The following TBL1XR1 variants were observed in gnomAD, a reference collection of about 807,000 sequenced individuals.
TBL1XR1 encodes the protein TBL1X/Y related 1.
In TBL1XR1, 5 loss-of-function variants were observed where a neutral mutation model predicts 66.9. The observed-to-expected ratio is 0.07, with a 90% CI of 0.04 to 0.16. The LOEUF is 0.16. Ranked by LOEUF, TBL1XR1 falls within the 10% of genes least tolerant of loss-of-function variation. The probability of loss-of-function intolerance (pLI) is 1.00; values close to 1 mark genes in which losing one functional copy is unlikely to be tolerated. For missense variants in TBL1XR1, 238 were observed against 623.2 expected (o/e 0.38, Z 6.58); for synonymous variants, 210 against 206.0 (o/e 1.02, Z -0.17).
At chr3:177,076,078 T>C (rs774087977) in intron 2 of TBL1XR1, among the ~76,000 whole-genome samples, 95 of 152,352 alleles carry the variant, frequency 6.2e-4, no homozygotes, top group Non-Finnish European at 5.7e-4. Flanking sequence ...CAGTGCCTAG[T>C]GAAGGCTCTC....
intron 1 of TBL1XR1, among the ~76,000 whole-genome samples, chr3:177,144,549 C>T (rs1577301886): frequency 6.6e-6 from 1 of 151,628 alleles, no homozygotes; most frequent in South Asian, 2.1e-4. Context: ...GTCAGGAGAT[C>T]GAGACCATCC....
chr3:177,079,748 G>C, intron 2 of TBL1XR1: 1 of 149,454 alleles, frequency 6.7e-6, no homozygotes, highest in Non-Finnish European at 1.5e-5. Flanking sequence ...ATAAGAGTTA[G>C]ACAAGAATGA....
intron 1 of TBL1XR1, among the ~76,000 whole-genome samples, chr3:177,118,381 C>T (rs1256043448): frequency 6.6e-6 from 1 of 152,144 alleles, no homozygotes; most frequent in Admixed American, 6.5e-5. Context: ...CTCAAAATGA[C>T]CTAATGAGGC....
chr3:177,130,966 A>C, intron 1 of TBL1XR1, among the ~76,000 whole-genome samples: 1 of 152,218 alleles, frequency 6.6e-6, no homozygotes, highest in Middle Eastern at 3.2e-3. Flanking sequence ...GTTAGAGACC[A>C]GTCTGGGCAA....
rs376446013 is a variant in TBL1XR1, at chr3:177,070,876, A to C, written c.-45-5854T>G. Among the ~76,000 whole-genome samples the C allele has an allele frequency of 8.5e-5, 13 of 152,152 alleles. No individual in the cohort carries two copies. In the East Asian group the frequency reaches 2.3e-3, roughly 27 times the overall value. ...AAAAATAAATAAATAAATAAAAATA[A>C]ACTAAAATCAAGATCTGTCAAAATC... is the stretch of plus-strand genomic sequence containing the variant. On this transcript the variant is annotated intron_variant, in intron 2 of 15. Transcript: ENST00000457928.
In TBL1XR1 at chr3:177,171,596, G is replaced by A. The variant is rs943793557; in HGVS notation, c.-122+25525C>T. Among the ~76,000 whole-genome samples, 12 of 151,194 alleles carry A rather than the reference G, an allele frequency of 7.9e-5. No individual in the cohort carries two copies. In the East Asian group the frequency reaches 1.2e-3, roughly 15 times the overall value. ...CGGGCGCCTGTAGTCCCAGCTACTC[G>A]GGAGGCTGAGGCAGGAGAATGGTGT... On this transcript the variant is annotated intron_variant, in intron 1 of 15. Coordinates refer to ENST00000457928, the MANE Select transcript of TBL1XR1 (RefSeq NM_024665.7).
intron 10 of TBL1XR1, chr3:177,045,038 T>A (rs1716136670): frequency 1.3e-5 from 2 of 152,118 alleles, no homozygotes; most frequent in Non-Finnish European, 2.9e-5. Flanking sequence ...TTAATCAAGT[T>A]GAATTGTTTA....
chr3:177,082,680 G>C (rs1721546614), intron 2 of TBL1XR1, among the ~76,000 whole-genome samples: 1 of 141,812 alleles, frequency 7.1e-6, no homozygotes, highest in Non-Finnish European at 1.5e-5. Flanking sequence ...TCCTGTCACA[G>C]TGGCTTTTTA....
At chr3:177,134,796 T>C (rs1728702544) in intron 1 of TBL1XR1, among the ~76,000 whole-genome samples, 1 of 152,180 alleles carries the variant, frequency 6.6e-6, no homozygotes, top group African/African-American at 2.4e-5. Flanking sequence ...TATACGTCTC[T>C]AGTAATAACA....
chr3:177,035,157 C>T (rs1217899386), intron 12 of TBL1XR1, among the ~76,000 whole-genome samples: 1 of 152,138 alleles, frequency 6.6e-6, no homozygotes, highest in African/African-American at 2.4e-5. Context: ...ATCTGAACGA[C>T]ATGTTTTCAG....
chr3:177,063,185 G>C (rs894025417), intron 3 of TBL1XR1, among the ~76,000 whole-genome samples: 1 of 152,022 alleles, frequency 6.6e-6, no homozygotes, highest in African/African-American at 2.4e-5. Flanking sequence ...GAAATTAACC[G>C]AGAATATTAT....
intron 1 of TBL1XR1, among the ~76,000 whole-genome samples, chr3:177,142,656 T>A (rs1202093073): frequency 6.6e-6 from 1 of 152,194 alleles, no homozygotes; most frequent in Middle Eastern, 3.2e-3. Flanking sequence ...ATATAGTAAA[T>A]TTTTATGTCT....
At chr3:177,028,926 G>C (rs1713542457) in intron 14 of TBL1XR1, among the ~76,000 whole-genome samples, 1 of 152,092 alleles carries the variant, frequency 6.6e-6, no homozygotes. Context: ...CCGGCATTAT[G>C]AAAACAGAAA....
chr3:177,025,658 G>A (rs1340072639), intron 15 of TBL1XR1, 134 bp from the exon 16 acceptor site: 1 of 815,072 alleles, frequency 1.2e-6, no homozygotes, highest in East Asian at 2.7e-5. Flanking sequence ...AATAATCATG[G>A]AAATGAGCAC....
intron 1 of TBL1XR1, chr3:177,196,380 A>T (rs544101437): frequency 2.6e-5 from 4 of 152,208 alleles, no homozygotes; most frequent in African/African-American, 9.6e-5. Flanking sequence ...ACACTCCTGA[A>T]CCCAACTTCA....
chr3:177,025,552 T>C, intron 15 of TBL1XR1, 28 bp from the exon 16 acceptor site: 10 of 1,606,830 alleles, frequency 6.2e-6, no homozygotes, highest in Non-Finnish European at 8.5e-6. Context: ...AATCAACCAG[T>C]GTATTCAGAA....
chr3:177,034,124 A>G (rs1714418136), intron 13 of TBL1XR1, 74 bp downstream of exon 13: 2 of 1,491,156 alleles, frequency 1.3e-6, no homozygotes, highest in Non-Finnish European at 9.0e-7. Context: ...AATCTTCCCT[A>G]AACTTCTGTC....
intron 2 of TBL1XR1, among the ~76,000 whole-genome samples, chr3:177,086,438 A>G (rs1722129981): frequency 6.6e-6 from 1 of 151,978 alleles, no homozygotes; most frequent in Non-Finnish European, 1.5e-5. Flanking sequence ...GAGCCAATAG[A>G]AAAGAAGGGC....
At chr3:177,153,371 C>T (rs1429666224) in intron 1 of TBL1XR1, among the ~76,000 whole-genome samples, 2 of 152,078 alleles carry the variant, frequency 1.3e-5, no homozygotes, top group Non-Finnish European at 2.9e-5. Context: ...ATGTGGAGTG[C>T]CCAAACTAGT....
Sources: gnomAD v4.1 joint callset for allele counts (sites outside exome capture counted in the v4.1 genomes callset) on GRCh38, gnomAD v4.1.1 for gene constraint, MANE v1.5 for transcripts, NCBI Gene and HGNC (gene_info 2026-07-23, HGNC 2026-07-21) for gene names.